EIPR1: variants seen among roughly 807,000 people sequenced by gnomAD.
EIPR1 encodes the protein EARP and GARP complex-interacting protein 1.
In EIPR1, 25 loss-of-function variants were observed where a neutral mutation model predicts 48.1. The ratio of observed to expected loss-of-function variants is 0.52; its 90% CI spans 0.38 to 0.73. The LOEUF (loss-of-function observed/expected upper bound fraction) is 0.73, where lower values mean the gene tolerates loss of function less well. EIPR1 is among the 30% of genes least tolerant of loss of function. The pLI, the probability that EIPR1 is intolerant of heterozygous loss-of-function variation, is 0.00. For missense variants in EIPR1, 415 were observed against 506.2 expected (o/e 0.82, Z 1.73); for synonymous variants, 204 against 201.9 (o/e 1.01, Z -0.09).
chr2:3,269,068 G>A (rs147332587), intron 3 of EIPR1, among the ~76,000 whole-genome samples: 76 of 152,268 alleles, frequency 5.0e-4, no homozygotes, highest in African/African-American at 8.7e-4. Context: ...TCTCCTATCC[G>A]GACACAGTTC....
chr2:3,216,351 G>A (rs1198638574), intron 4 of EIPR1, among the ~76,000 whole-genome samples: 2 of 152,146 alleles, frequency 1.3e-5, no homozygotes, highest in African/African-American at 4.8e-5. Flanking sequence ...GCAAAAGGCT[G>A]GAGCAAGGAG....
At chr2:3,225,310 ATCACAGC>A (rs1247880609) in intron 4 of EIPR1, among the ~76,000 whole-genome samples, 1 of 148,008 alleles carries the variant, frequency 6.8e-6, no homozygotes, top group Admixed American at 6.8e-5. Flanking sequence ...CAGTGGTGCA[ATCACAGC>A]TCACTGCAGC....
intron 4 of EIPR1, among the ~76,000 whole-genome samples, chr2:3,246,626 G>A (rs747565997): frequency 5.9e-5 from 9 of 151,990 alleles, no homozygotes; most frequent in Non-Finnish European, 1.0e-4. Flanking sequence ...CCATGCAGGT[G>A]ACGGGCACTT....
intron 1 of EIPR1, among the ~76,000 whole-genome samples, chr2:3,358,672 A>T (rs1670788642): frequency 6.6e-6 from 1 of 152,226 alleles, no homozygotes; most frequent in African/African-American, 2.4e-5. Context: ...CAAGTCACAG[A>T]GCCTCTGACG....
chr2:3,340,522 T>C (rs1294759402), intron 2 of EIPR1, among the ~76,000 whole-genome samples: 1 of 152,254 alleles, frequency 6.6e-6, no homozygotes, highest in Non-Finnish European at 1.5e-5. Flanking sequence ...TGAAAATTTA[T>C]TGTACTCTTT....
chr2:3,268,479 C>T (rs751916016), intron 3 of EIPR1, among the ~76,000 whole-genome samples: 1 of 152,202 alleles, frequency 6.6e-6, no homozygotes, highest in East Asian at 1.9e-4. Context: ...ATGTTCCTTC[C>T]TGGGCTGTTC....
Position 3,192,457 on chromosome 2 carries a change from C to T in EIPR1, c.946G>A (p.Asp316Asn), listed in dbSNP as rs139901163. ...TCCTCCTGGTCACTGATGTCATCGT[C>T]GTCTACCAAGTGGCCGAAGGGCTCC... is the stretch of plus-strand genomic sequence containing the variant. ...SSEPFGHLVD[D>N]DDISDQEDHR... The change falls in exon 8 of 9, where the codon GAC (aspartate) becomes AAC (asparagine). Residue 316 changes from aspartate to asparagine, a missense_variant. Asp to Asn is a conservative substitution (Grantham distance 23). Transcript: ENST00000382125. 8.7e-6 allele frequency: 14 copies of T among 1,612,756 alleles called. No individual in the cohort carries two copies. The Admixed American group carries it at 1.0e-4, about 12-fold the overall frequency.
rs534178507 is a variant in EIPR1 at position 3,323,570 on chromosome 2, G to A, written c.259+14447C>T. On this transcript the variant is annotated intron_variant, in intron 3 of 8. Coordinates refer to ENST00000382125, the MANE Select transcript of EIPR1 (RefSeq NM_003310.5). ...GGACATGGGCCCTCAGCCAACGTTC[G>A]CCGTGTTGTCAGCCTCCATGAACCA... Among the ~76,000 whole-genome samples, 8 of 152,312 alleles carry A rather than the reference G, an allele frequency of 5.3e-5. No individual in the cohort carries two copies. In the South Asian group the frequency reaches 8.3e-4, roughly 16 times the overall value.
At chr2:3,375,519 G>C (rs186301553) in intron 1 of EIPR1, among the ~76,000 whole-genome samples, 3 of 152,216 alleles carry the variant, frequency 2.0e-5, no homozygotes, top group East Asian at 1.9e-4. Context: ...AAGTAGCACT[G>C]GCAGAGTATG....
chr2:3,329,449 C>T lies in EIPR1; in HGVS notation c.259+8568G>A, dbSNP rs138776823. Among the ~76,000 whole-genome samples, 997 of 151,438 alleles carry T rather than the reference C, an allele frequency of 6.6e-3. 8 individuals carry two copies. Among genetic ancestry groups the T allele is most frequent in the African/African-American group, 0.023 (957 of 41,170 alleles). ...CTCCCCTGGATCACAGGTCTACCCA[C>T]CATGCTCTAATGATCTCGAGGTTCC... On this transcript the variant is annotated intron_variant, in intron 3 of 8. Transcript: ENST00000382125.
chr2:3,233,534 GCCGTAA>G (rs1347013988), intron 4 of EIPR1, among the ~76,000 whole-genome samples: 5 of 152,200 alleles, frequency 3.3e-5, no homozygotes, highest in Admixed American at 1.3e-4. Context: ...CTGGATCCCA[GCCGTAA>G]CTGTGATAAT....
At chr2:3,305,236 G>A (rs1442857747) in intron 3 of EIPR1, among the ~76,000 whole-genome samples, 1 of 135,324 alleles carries the variant, frequency 7.4e-6, no homozygotes, top group African/African-American at 2.9e-5. Context: ...ATCCCGTCCA[G>A]TTCAACCTTC....
intron 1 of EIPR1, among the ~76,000 whole-genome samples, chr2:3,361,694 A>T (rs753595624): frequency 2.0e-5 from 3 of 150,588 alleles, no homozygotes; most frequent in Non-Finnish European, 4.4e-5. Context: ...CTCCAGCCCC[A>T]ATCCTGCCCT....
At chr2:3,336,907 AAGGGAAGG>A (rs1286212499) in intron 3 of EIPR1, among the ~76,000 whole-genome samples, 20 of 84,076 alleles carry the variant, frequency 2.4e-4, no homozygotes, top group African/African-American at 7.0e-4. Flanking sequence ...GGGAAAAGGG[AAGGGAAGG>A]GAAAAGGGAA....
rs145734838 is a variant in EIPR1, at chr2:3,272,866, C to A, written c.260-15411G>T. 2.1e-4 allele frequency among the ~76,000 whole-genome samples: 32 copies of A among 152,264 alleles called. No homozygotes were observed. In the South Asian group the frequency reaches 5.2e-3, roughly 25 times the overall value. On this transcript the variant is annotated intron_variant, in intron 3 of 8. Coordinates refer to ENST00000382125, the MANE Select transcript of EIPR1 (RefSeq NM_003310.5). ...ACAACATCTGAGAAGCACAATAAAGCCCAGTGCAATACGATGAGGTGCGTC... is the reference window on the plus strand; with the variant it reads ...ACAACATCTGAGAAGCACAATAAAGACCAGTGCAATACGATGAGGTGCGTC...
intron 5 of EIPR1, among the ~76,000 whole-genome samples, chr2:3,209,259 G>A (rs1172011968): frequency 6.6e-6 from 1 of 152,134 alleles, no homozygotes; most frequent in Non-Finnish European, 1.5e-5. Context: ...TGAAGAAGCT[G>A]GAAGCCAGGA....
At chr2:3,293,247 C>A (rs1341323511) in intron 3 of EIPR1, among the ~76,000 whole-genome samples, 2 of 152,220 alleles carry the variant, frequency 1.3e-5, no homozygotes, top group Admixed American at 1.3e-4. Flanking sequence ...GCACTCTAAC[C>A]GGGTTCCCAG....
intron 3 of EIPR1, among the ~76,000 whole-genome samples, chr2:3,265,528 A>G (rs998651128): frequency 1.3e-5 from 2 of 152,238 alleles, no homozygotes; most frequent in African/African-American, 4.8e-5. Flanking sequence ...GCTGTTAATA[A>G]GCAGGGAGGC....
At position 3,343,645 on chromosome 2, in the gene EIPR1, A is replaced by ATAAAGAGTTATAAAAATGTAT. The variant is rs545834618; in HGVS notation, c.127-5517_127-5497dup. ...ATAGGTGACACTGTAAAGATTTAGAATAAAGAGTTATAAAAATGTATTAGG... is the reference window on the plus strand; with the variant it reads ...ATAGGTGACACTGTAAAGATTTAGAATAAAGAGTTATAAAAATGTATTAAAGAGTTATAAAAATGTATTAGG... On this transcript the variant is annotated intron_variant, in intron 2 of 8. Coordinates refer to ENST00000382125, the MANE Select transcript of EIPR1 (RefSeq NM_003310.5). Among the ~76,000 whole-genome samples, 14 of 152,370 alleles carry ATAAAGAGTTATAAAAATGTAT rather than the reference A, an allele frequency of 9.2e-5. No individual in the cohort carries two copies. The East Asian group carries it at 2.7e-3, about 29-fold the overall frequency.
Sources: gnomAD v4.1 joint callset for allele counts (sites outside exome capture counted in the v4.1 genomes callset) on GRCh38, gnomAD v4.1.1 for gene constraint, MANE v1.5 for transcripts, NCBI Gene and HGNC (gene_info 2026-07-23, HGNC 2026-07-21) for gene names.